Variants in PSORS1C1 observed in about 807,000 individuals in gnomAD.
PSORS1C1 encodes psoriasis susceptibility 1 candidate 1.
PSORS1C1 carries 7 observed loss-of-function variants against 9.4 expected under a neutral mutation model. That is an observed-to-expected ratio of 0.75 (90% CI 0.42 to 1.40). The LOEUF (loss-of-function observed/expected upper bound fraction) is 1.40, where lower values mean the gene tolerates loss of function less well. Among genes scored for constraint, PSORS1C1 ranks in the 40% most tolerant of loss-of-function variants. The pLI is 0.01. For synonymous variants in PSORS1C1, 63 were observed against 69.4 expected, an observed-to-expected ratio of 0.91 and a Z score of 0.46; for missense variants, 146 against 178.1, an observed-to-expected ratio of 0.82 and a Z score of 1.02.
At position 31,125,672 on chromosome 6, in the gene PSORS1C1, G is replaced by A. The variant is rs1395549831; in HGVS notation, c.-228-4G>A. On this transcript the variant is annotated splice_region_variant and splice_polypyrimidine_tract_variant and intron_variant, in intron 1 of 5. Coordinates refer to ENST00000259881, the MANE Select transcript of PSORS1C1 (RefSeq NM_014068.3). ...CCCTCACTTCTGTGGCTTCTTTCCT[G>A]TAGTAGACGATCAAGGGTGGAATCT... 1 of 152,222 alleles carries A rather than the reference G, an allele frequency of 6.6e-6. No homozygotes were observed. The highest frequency in any genetic ancestry group is 2.4e-5 in the African/African-American group (1 of 41,414). 9.4% of individuals were successfully genotyped at this position (152,222 alleles called of 1,614,324 possible).
At chr6:31,130,623 G>C (rs13196568) in intron 3 of PSORS1C1, among the ~76,000 whole-genome samples, 33,063 of 151,618 alleles carry the variant, frequency 0.22, 4,161 homozygotes, top group African/African-American at 0.34. Context: ...CCGTGGTCTC[G>C]ATCTCCTGAC....
At chr6:31,117,434 C>T in intron 1 of PSORS1C1, 1 of 1,559,572 alleles carries the variant, frequency 6.4e-7, no homozygotes. Flanking sequence ...CCGCTGGAGT[C>T]ACCCTTCCCA....
At position 31,129,248 on chromosome 6, in the gene PSORS1C1, T is replaced by C. The variant is rs74375290; in HGVS notation, c.-64-321T>C. Among the ~76,000 whole-genome samples, 1,005 of 152,300 alleles carry C rather than the reference T, an allele frequency of 6.6e-3. 11 individuals are homozygous for C. Among genetic ancestry groups the C allele is most frequent in the East Asian group, 0.032 (168 of 5,190 alleles). On this transcript the variant is annotated intron_variant, in intron 2 of 5. Transcript: ENST00000259881. ...GTTCTGGGCTATTGTTCTGTAAATC[T>C]GTGATCCTATTCTGTTATTTAATTC...
intron 1 of PSORS1C1, among the ~76,000 whole-genome samples, chr6:31,122,639 C>T (rs548701334): frequency 2.0e-5 from 3 of 152,166 alleles, no homozygotes; most frequent in African/African-American, 7.2e-5. Flanking sequence ...ATTAGCCAGG[C>T]GTGGTGGTGG....
At chr6:31,133,905 A>G (rs1039107646) in intron 3 of PSORS1C1, among the ~76,000 whole-genome samples, 1 of 152,206 alleles carries the variant, frequency 6.6e-6, no homozygotes, top group Non-Finnish European at 1.5e-5. Flanking sequence ...CTCAACCTAC[A>G]ATTCTTATGT....
chr6:31,124,924 T>A (rs931531730), intron 1 of PSORS1C1, among the ~76,000 whole-genome samples: 4 of 151,892 alleles, frequency 2.6e-5, no homozygotes, highest in Admixed American at 2.6e-4. Context: ...GCCGATTTCA[T>A]GCCACTGCAC....
intron 3 of PSORS1C1, among the ~76,000 whole-genome samples, chr6:31,137,227 C>T (rs914444981): frequency 6.6e-6 from 1 of 151,978 alleles, no homozygotes; most frequent in Non-Finnish European, 1.5e-5. Flanking sequence ...GAGGCCCAGG[C>T]GGGCAGATCA....
intron 2 of PSORS1C1, among the ~76,000 whole-genome samples, chr6:31,127,473 TC>T (rs1252408269): frequency 1.3e-5 from 2 of 152,204 alleles, no homozygotes; most frequent in Non-Finnish European, 2.9e-5. Context: ...CGGCGCCGAC[TC>T]CTTGGCAGTG....
chr6:31,116,705 C>A, intron 1 of PSORS1C1: 3 of 1,612,810 alleles, frequency 1.9e-6, no homozygotes, highest in Non-Finnish European at 2.5e-6. Flanking sequence ...AGATAACTGT[C>A]AGAGGAGCCA....
intron 1 of PSORS1C1, among the ~76,000 whole-genome samples, chr6:31,120,601 C>T (rs1321515210): frequency 6.6e-6 from 1 of 152,086 alleles, no homozygotes; most frequent in Non-Finnish European, 1.5e-5. Flanking sequence ...GTGCATCTGC[C>T]TACTCAGCAG....
At chr6:31,131,322 G>A (rs1339561197) in intron 3 of PSORS1C1, among the ~76,000 whole-genome samples, 4 of 151,872 alleles carry the variant, frequency 2.6e-5, no homozygotes, top group South Asian at 2.1e-4. Flanking sequence ...GGCCAGGCGC[G>A]GTGGCTTATG....
At position 31,115,843 on chromosome 6, in the gene PSORS1C1, A is replaced by C; in HGVS notation, c.-229+952A>C. The C allele has an allele frequency of 1.7e-6, 1 of 597,082 alleles. No individual in the cohort carries two copies. Among genetic ancestry groups the C allele is most frequent in the Non-Finnish European group, 3.0e-6 (1 of 333,544 alleles). The allele number at this position is 597,082 out of a possible 1,614,324, so 37.0% of individuals were successfully genotyped here. ...TGAATCTACCATTTTGAGAAGAGGA[A>C]GGAGGAAGGGGTGATAAGAGAGAGT... On this transcript the variant is annotated intron_variant, in intron 1 of 5. Coordinates refer to ENST00000259881, the MANE Select transcript of PSORS1C1 (RefSeq NM_014068.3). The surrounding 1 kb of genome is among the most constrained non-coding windows in gnomAD (Gnocchi z 4.2).
Position 31,116,759 on chromosome 6 carries a change from T to C in PSORS1C1, c.-229+1868T>C, listed in dbSNP as rs781456074. ...CCATAGGATTTGTCTACAGAGGTGA[T>C]TGGGGGACAGGGCTTGCCTGGAAGG... is the stretch of plus-strand genomic sequence containing the variant. On this transcript the variant is annotated intron_variant, in intron 1 of 5. Coordinates refer to ENST00000259881, the MANE Select transcript of PSORS1C1 (RefSeq NM_014068.3). The C allele has an allele frequency of 8.7e-6, 14 of 1,612,966 alleles. No individual in the cohort carries two copies. The highest frequency in any genetic ancestry group is 6.6e-5 in the South Asian group (6 of 91,076).
At position 31,115,905 on chromosome 6, in the gene PSORS1C1, C is replaced by A; in HGVS notation, c.-229+1014C>A. Reference sequence around the variant, plus strand: ...GGGTAGTGGAGAAAGCAGAACCACTCTTTTGGGAAGGAGGGAAACTGAGCT... The same window carrying A: ...GGGTAGTGGAGAAAGCAGAACCACTATTTTGGGAAGGAGGGAAACTGAGCT... On this transcript the variant is annotated intron_variant, in intron 1 of 5. Transcript: ENST00000259881. The surrounding 1 kb of genome is among the most constrained non-coding windows in gnomAD (Gnocchi z 4.2). 1.1e-6 allele frequency: 1 copy of A among 883,096 alleles called. No homozygotes were observed. The highest frequency in any genetic ancestry group is 1.8e-6 in the Non-Finnish European group (1 of 542,908). The allele number at this position is 883,096 out of a possible 1,614,324, so 54.7% of individuals were successfully genotyped here.
At chr6:31,116,720 C>A in intron 1 of PSORS1C1, 1 of 1,612,838 alleles carries the variant, frequency 6.2e-7, no homozygotes, top group Non-Finnish European at 8.5e-7. Context: ...GAGCCACCCA[C>A]CACCTCGTAG....
At position 31,134,469 on chromosome 6, in the gene PSORS1C1, A is replaced by AT. The variant is rs539512611; in HGVS notation, c.14-3953dup. Among the ~76,000 whole-genome samples, 610 of 150,988 alleles carry AT rather than the reference A, an allele frequency of 4.0e-3. 16 individuals carry two copies. In the South Asian group the frequency reaches 0.068, roughly 17 times the overall value. On this transcript the variant is annotated intron_variant, in intron 3 of 5. Coordinates refer to ENST00000259881, the MANE Select transcript of PSORS1C1 (RefSeq NM_014068.3). Reference sequence around the variant, plus strand: ...AGGCGCCGGCCACCATGCCCGGCTAATTTTTTTTGTATTTTTTAGTAGAGA... The same window carrying AT: ...AGGCGCCGGCCACCATGCCCGGCTAATTTTTTTTTGTATTTTTTAGTAGAGA...
rs201665595 is a variant in PSORS1C1 at position 31,118,837 on chromosome 6, C to CTTTTTTTTTTTTTTTTTTTTTTTT, written c.-229+3948_-229+3949insTTTTTTTTTTTTTTTTTTTTTTTT. The CTTTTTTTTTTTTTTTTTTTTTTTT allele has an allele frequency of 3.2e-5, 3 of 92,452 alleles. 1 individual carries two copies. The highest frequency in any genetic ancestry group is 2.0e-5 in the Non-Finnish European group (1 of 48,996). 5.7% of individuals were successfully genotyped at this position (92,452 alleles called of 1,614,324 possible). On this transcript the variant is annotated intron_variant, in intron 1 of 5. Coordinates refer to ENST00000259881, the MANE Select transcript of PSORS1C1 (RefSeq NM_014068.3). ...ATCATCCACCTGGAAGTTTTTTCTT[C>CTTTTTTTTTTTTTTTTTTTTTTTT]TTCTTCTTTTTTTTTTTTTTTTTTG... is the stretch of plus-strand genomic sequence containing the variant.
chr6:31,116,351 G>A (rs1176713905), intron 1 of PSORS1C1: 22 of 1,612,370 alleles, frequency 1.4e-5, no homozygotes, highest in Non-Finnish European at 1.9e-5. Context: ...GGGGAGCAGG[G>A]GCTCTGGGAA....
intron 3 of PSORS1C1, among the ~76,000 whole-genome samples, chr6:31,131,725 C>T (rs976641585): frequency 6.6e-6 from 1 of 151,952 alleles, no homozygotes; most frequent in Non-Finnish European, 1.5e-5. Context: ...TTGCATGGGT[C>T]ACTGTACCTC....
Sources: allele counts gnomAD v4.1 joint callset (sites outside exome capture counted in the v4.1 genomes callset), GRCh38; gene constraint gnomAD v4.1.1; non-coding constraint Gnocchi (gnomAD v3.1); transcripts MANE v1.5; gene names NCBI Gene and HGNC (gene_info 2026-07-23, HGNC 2026-07-21).